KIF16B: variants seen among roughly 807,000 people sequenced by gnomAD.
The protein encoded by KIF16B is kinesin-like protein KIF16B.
A neutral mutation model predicts 156.3 loss-of-function variants in KIF16B; 98 were observed. The ratio of observed to expected loss-of-function variants is 0.63; its 90% CI spans 0.53 to 0.74. KIF16B has a LOEUF of 0.74. Among genes scored for constraint, KIF16B ranks in the 30% least tolerant of loss-of-function variants. The pLI, the probability that KIF16B is intolerant of heterozygous loss-of-function variation, is 0.00. For missense variants in KIF16B, 1,421 were observed against 1,606.5 expected, an observed-to-expected ratio of 0.88 and a Z score of 1.97; for synonymous variants, 564 against 583.7, an observed-to-expected ratio of 0.97 and a Z score of 0.49.
At chr20:16,399,072 G>A (rs896036755) in intron 17 of KIF16B, among the ~76,000 whole-genome samples, 4 of 152,218 alleles carry the variant, frequency 2.6e-5, no homozygotes, top group East Asian at 1.9e-4. Flanking sequence ...GTTTGAGTAG[G>A]AGGTGCCATC....
At chr20:16,403,245 G>C (rs1005490114) in intron 17 of KIF16B, among the ~76,000 whole-genome samples, 64 of 152,252 alleles carry the variant, frequency 4.2e-4, no homozygotes, top group African/African-American at 1.5e-3. Flanking sequence ...ATATTTAACG[G>C]ATGGGATCAC....
At chr20:16,450,572 C>G (rs2067052705) in intron 12 of KIF16B, among the ~76,000 whole-genome samples, 1 of 152,212 alleles carries the variant, frequency 6.6e-6, no homozygotes, top group South Asian at 2.1e-4. Flanking sequence ...CTCCAGTCCT[C>G]CACGTCCCAC....
At chr20:16,463,179 AAG>A (rs1313526057) in intron 12 of KIF16B, among the ~76,000 whole-genome samples, 1 of 152,206 alleles carries the variant, frequency 6.6e-6, no homozygotes, top group Admixed American at 6.5e-5. Flanking sequence ...GTCTGCAGGA[AAG>A]AGAGCTTTTC....
intron 1 of KIF16B, among the ~76,000 whole-genome samples, chr20:16,553,441 C>T (rs1197280762): frequency 1.3e-5 from 2 of 152,156 alleles, no homozygotes; most frequent in African/African-American, 4.8e-5. Context: ...GGGATCGTAC[C>T]CTTACTCATC....
At chr20:16,285,014 T>C (rs2063202845) in intron 25 of KIF16B, among the ~76,000 whole-genome samples, 1 of 152,214 alleles carries the variant, frequency 6.6e-6, no homozygotes. Context: ...AGGACGGAAG[T>C]GTCTGTTATC....
chr20:16,328,114 A>ACT (rs1227884913), intron 24 of KIF16B, among the ~76,000 whole-genome samples: 1 of 152,208 alleles, frequency 6.6e-6, no homozygotes, highest in Non-Finnish European at 1.5e-5. Flanking sequence ...GCACTAACTG[A>ACT]AAGTCCATCT....
At chr20:16,519,575 T>C (rs758095591) in intron 3 of KIF16B, among the ~76,000 whole-genome samples, 3 of 152,202 alleles carry the variant, frequency 2.0e-5, no homozygotes, top group African/African-American at 4.8e-5. Flanking sequence ...GAACTGGGGA[T>C]CTTGCTAAAA....
chr20:16,515,463 A>G, intron 4 of KIF16B, 85 bp downstream of exon 4: 1 of 744,134 alleles, frequency 1.3e-6, no homozygotes, highest in Admixed American at 2.2e-5. Flanking sequence ...AAGTTAGTAC[A>G]GACCAAATAG....
At chr20:16,428,862 A>C (rs1431195569) in intron 14 of KIF16B, 91 bp downstream of exon 14, 1 of 1,002,540 alleles carries the variant, frequency 1.0e-6, no homozygotes, top group African/African-American at 1.6e-5. Context: ...AATTTTCTAT[A>C]ATTACTTCAA....
At chr20:16,527,890 C>T (rs1028426811) in intron 2 of KIF16B, among the ~76,000 whole-genome samples, 1 of 151,992 alleles carries the variant, frequency 6.6e-6, no homozygotes, top group East Asian at 1.9e-4. Flanking sequence ...TTTTTTTTAA[C>T]TTTTTTTCCA....
intron 25 of KIF16B, 96 bp downstream of exon 25, chr20:16,312,239 G>C: frequency 2.4e-6 from 2 of 830,996 alleles, no homozygotes. Flanking sequence ...CTTCACACTT[G>C]TGAAGAAATT....
At chr20:16,273,924 T>C (rs543262861) in intron 25 of KIF16B, among the ~76,000 whole-genome samples, 6 of 152,184 alleles carry the variant, frequency 3.9e-5, no homozygotes, top group African/African-American at 1.4e-4. Context: ...GGCAGCACTG[T>C]CTCAGATCTA....
chr20:16,296,863 G>C (rs1161024412), intron 25 of KIF16B, among the ~76,000 whole-genome samples: 1 of 152,246 alleles, frequency 6.6e-6, no homozygotes, highest in Non-Finnish European at 1.5e-5. Flanking sequence ...ATTAATGTTT[G>C]AATCAGTAGA....
rs765527870 is a variant in KIF16B, at chr20:16,515,638, G to A, written c.258C>T (p.Val86=). 13 of 1,611,822 alleles carry A rather than the reference G, an allele frequency of 8.1e-6. No homozygotes were observed. Among genetic ancestry groups the A allele is most frequent in the Admixed American group, 1.7e-5 (1 of 59,966 alleles). Residue 86 remains valine, a synonymous_variant, in exon 4 of 26, where the codon GTC becomes GTT. Transcript: ENST00000354981. ...EMVFKTLGTD[V]VKSAFEGYNA... ...TATAACCTTCAAATGCAGACTTCAC[G>A]ACATCTGTGCCGAGGGTTTTGAAAA... is the stretch of plus-strand genomic sequence containing the variant.
intron 23 of KIF16B, among the ~76,000 whole-genome samples, chr20:16,340,906 A>G (rs2064129565): frequency 6.6e-6 from 1 of 152,208 alleles, no homozygotes; most frequent in East Asian, 1.9e-4. Context: ...GGCAATAGAT[A>G]TAAAAGGCAT....
chr20:16,312,766 C>A (rs1268097407), intron 24 of KIF16B, among the ~76,000 whole-genome samples: 2 of 123,670 alleles, frequency 1.6e-5, no homozygotes, highest in African/African-American at 6.8e-5. Flanking sequence ...TTCTTTCAGT[C>A]CTCCCACCCT....
In KIF16B at chr20:16,273,115, T is replaced by G; in HGVS notation, c.*138A>C. Reference sequence around the variant, plus strand: ...AGGCACTAGGTATGGAAACGTGAGGTGGCCCGGGCCCGCTGCTGCATGTCT... The same window carrying G: ...AGGCACTAGGTATGGAAACGTGAGGGGGCCCGGGCCCGCTGCTGCATGTCT... On this transcript the variant is annotated 3_prime_UTR_variant, in exon 26 of 26. Coordinates refer to ENST00000354981, the MANE Select transcript of KIF16B (RefSeq NM_024704.5). 1.4e-6 allele frequency: 1 copy of G among 717,316 alleles called. No homozygotes were observed. Among genetic ancestry groups the G allele is most frequent in the Non-Finnish European group, 2.4e-6 (1 of 412,032 alleles). 44.4% of individuals were successfully genotyped at this position (717,316 alleles called of 1,614,324 possible). A position where few individuals can be genotyped will look rare whatever the true frequency, so the allele number is the denominator to read the frequency against.
chr20:16,542,227 C>T (rs1390300084), intron 1 of KIF16B, among the ~76,000 whole-genome samples: 1 of 152,110 alleles, frequency 6.6e-6, no homozygotes, highest in Non-Finnish European at 1.5e-5. Flanking sequence ...TTAAGATGTG[C>T]AGAACCATTA....
chr20:16,355,836 G>A (rs144177184), intron 23 of KIF16B, among the ~76,000 whole-genome samples: 108 of 152,324 alleles, frequency 7.1e-4, no homozygotes, highest in African/African-American at 2.6e-3. Flanking sequence ...AATAGCAGTA[G>A]TAATAGCAGC....
Sources: allele counts gnomAD v4.1 joint callset (sites outside exome capture counted in the v4.1 genomes callset), GRCh38; gene constraint gnomAD v4.1.1; transcripts MANE v1.5; gene names NCBI Gene and HGNC (gene_info 2026-07-23, HGNC 2026-07-21).